The following NFIL3 variants were observed in gnomAD, a reference collection of about 807,000 sequenced individuals.
NFIL3 encodes the protein nuclear factor interleukin-3-regulated protein.
A neutral mutation model predicts 10.0 loss-of-function variants in NFIL3; 5 were observed. The observed-to-expected ratio is 0.50, with a 90% CI of 0.26 to 1.06. The LOEUF (loss-of-function observed/expected upper bound fraction) is 1.06. Ranked by LOEUF, NFIL3 falls within the 50% of genes least tolerant of loss-of-function variation. The pLI, the probability that NFIL3 is intolerant of heterozygous loss-of-function variation, is 0.13. For missense variants in NFIL3, 436 were observed against 547.6 expected, an observed-to-expected ratio of 0.80 and a Z score of 2.03; for synonymous variants, 202 against 206.5, an observed-to-expected ratio of 0.98 and a Z score of 0.19.
upstream of NFIL3, among the ~76,000 whole-genome samples, chr9:91,428,023 C>T (rs1056194810): frequency 5.3e-5 from 8 of 152,132 alleles, no homozygotes; most frequent in Non-Finnish European, 1.5e-5. Context: ...CCACGCCCAT[C>T]AGTGTGTGCT....
At chr9:91,479,350 G>A in the NFIL3 span, among the ~76,000 whole-genome samples, 1 of 152,346 alleles carries the variant, frequency 6.6e-6, no homozygotes, top group African/African-American at 2.4e-5. Flanking sequence ...TGCCCAGAGA[G>A]GAGGAATCTA....
chr9:91,444,768 C>T, the NFIL3 span, among the ~76,000 whole-genome samples: 3 of 152,230 alleles, frequency 2.0e-5, no homozygotes, highest in African/African-American at 2.4e-5. Context: ...ACAGTGGTGG[C>T]AGCATATGTT....
the NFIL3 span, among the ~76,000 whole-genome samples, chr9:91,473,704 C>T: frequency 5.3e-5 from 8 of 152,186 alleles, no homozygotes; most frequent in Admixed American, 1.3e-4. Flanking sequence ...GCTCACCCTC[C>T]GTGGGCTGCA....
At chr9:91,467,670 A>T in the NFIL3 span, among the ~76,000 whole-genome samples, 1 of 151,990 alleles carries the variant, frequency 6.6e-6, no homozygotes, top group South Asian at 2.1e-4. Context: ...ATTTCTCTTA[A>T]TGCTATCCCT....
At chr9:91,440,970 G>A in the NFIL3 span, among the ~76,000 whole-genome samples, 1 of 152,096 alleles carries the variant, frequency 6.6e-6, no homozygotes, top group Middle Eastern at 3.2e-3. Flanking sequence ...AGAAAAATGT[G>A]TATTCTGCTG....
the NFIL3 span, among the ~76,000 whole-genome samples, chr9:91,431,925 G>A: frequency 6.6e-6 from 1 of 152,280 alleles, no homozygotes; most frequent in East Asian, 1.9e-4. Context: ...TCTCTTGCTT[G>A]CTACTGGACA....
At chr9:91,464,228 T>G in the NFIL3 span, among the ~76,000 whole-genome samples, 8 of 152,080 alleles carry the variant, frequency 5.3e-5, no homozygotes, top group Admixed American at 4.6e-4. Context: ...CTCCCTCACA[T>G]GTTTCTGCCC....
chr9:91,460,798 AT>A, the NFIL3 span, among the ~76,000 whole-genome samples: 1 of 152,338 alleles, frequency 6.6e-6, no homozygotes, highest in East Asian at 1.9e-4. Flanking sequence ...CTGGCTCATA[AT>A]GCATGGCATA....
the NFIL3 span, among the ~76,000 whole-genome samples, chr9:91,443,744 A>C: frequency 1.3e-5 from 2 of 152,160 alleles, no homozygotes; most frequent in African/African-American, 4.8e-5. Flanking sequence ...CCAACAACTC[A>C]GAAGGGGGCA....
At chr9:91,475,681 T>C in the NFIL3 span, among the ~76,000 whole-genome samples, 1 of 152,138 alleles carries the variant, frequency 6.6e-6, no homozygotes, top group Non-Finnish European at 1.5e-5. Context: ...TGCCAGGGCA[T>C]GGTGGGTTAA....
the NFIL3 span, among the ~76,000 whole-genome samples, chr9:91,482,014 C>T: frequency 2.0e-5 from 3 of 152,024 alleles, no homozygotes; most frequent in Non-Finnish European, 4.4e-5. Context: ...ACCTTGGTGC[C>T]GGAAAGGATT....
chr9:91,453,521 T>G, the NFIL3 span, among the ~76,000 whole-genome samples: 2 of 152,096 alleles, frequency 1.3e-5, no homozygotes, highest in Non-Finnish European at 2.9e-5. Context: ...ATAAACTTGA[T>G]TTTTTCCCAA....
At chr9:91,420,526 G>A (rs1034773708) in intron 1 of NFIL3, among the ~76,000 whole-genome samples, 7 of 152,106 alleles carry the variant, frequency 4.6e-5, no homozygotes, top group African/African-American at 1.7e-4. Context: ...ATAACAAGCT[G>A]GGGCCTGGGA....
At chr9:91,479,821 A>G in the NFIL3 span, among the ~76,000 whole-genome samples, 5 of 152,240 alleles carry the variant, frequency 3.3e-5, no homozygotes, top group Non-Finnish European at 7.3e-5. Context: ...CGGGTTGCAA[A>G]GACCATGGGA....
At chr9:91,463,571 T>C in the NFIL3 span, among the ~76,000 whole-genome samples, 3 of 152,154 alleles carry the variant, frequency 2.0e-5, no homozygotes, top group Non-Finnish European at 4.4e-5. Context: ...AGTCTAAGAA[T>C]GGCCCGGCAC....
At chr9:91,468,853 T>C in the NFIL3 span, among the ~76,000 whole-genome samples, 2 of 152,308 alleles carry the variant, frequency 1.3e-5, no homozygotes, top group East Asian at 3.9e-4. Flanking sequence ...GTTGTAGATG[T>C]GTGATGTTGT....
chr9:91,449,693 T>G, the NFIL3 span, among the ~76,000 whole-genome samples: 1 of 152,132 alleles, frequency 6.6e-6, no homozygotes, highest in African/African-American at 2.4e-5. Flanking sequence ...TTTATCTGAC[T>G]TTGATATCAG....
At position 91,410,345 on chromosome 9, in the gene NFIL3, G is replaced by A; in HGVS notation, c.390C>T (p.Ser130=). ...GAATCTCTTGAGCATATGCTGTGGAGCTAATTAAACCAAACTTTAATTTTA... is the reference window on the plus strand; with the variant it reads ...GAATCTCTTGAGCATATGCTGTGGAACTAATTAAACCAAACTTTAATTTTA... ...LSLKLKFGLI[S]STAYAQEIQK... is the part of the protein sequence containing the mutation. The change falls in exon 2 of 2, where the codon AGC becomes AGT. Residue 130 remains serine (S), a synonymous_variant. Coordinates refer to ENST00000297689, the MANE Select transcript of NFIL3 (RefSeq NM_005384.3). The surrounding 1 kb of genome is among the most constrained non-coding windows in gnomAD (Gnocchi z 5.7). 6.2e-7 allele frequency: 1 copy of A among 1,614,150 alleles called. No homozygotes were observed. Among genetic ancestry groups the A allele is most frequent in the Non-Finnish European group, 8.5e-7 (1 of 1,180,034 alleles).
chr9:91,409,817 C>G lies in NFIL3; in HGVS notation c.918G>C (p.Lys306Asn), dbSNP rs1398011705. ...CTTTAACCACAGTTGCATGCACATG[C>G]TTGAGTTCAACTGGAGAATGGATGG... The part of the protein sequence containing the change: ...KGPIHSPVEL[K>N]HVHATVVKVP... The change falls in exon 2 of 2, where the codon AAG (lysine) becomes AAC (asparagine). Residue 306 changes from lysine (K) to asparagine (N), a missense_variant. By Grantham distance (94) the Lys-to-Asn change is moderately conservative. This residue lies in a region of NFIL3 where 338 missense variants were observed against 399.9 expected (regional missense o/e 0.85). Transcript: ENST00000297689. The G allele has an allele frequency of 1.7e-5, 27 of 1,613,986 alleles. No homozygotes were observed. Among genetic ancestry groups the G allele is most frequent in the African/African-American group, 2.7e-5 (2 of 74,872 alleles).
Sources: allele counts gnomAD v4.1 joint callset (sites outside exome capture counted in the v4.1 genomes callset), GRCh38; gene constraint gnomAD v4.1.1; regional missense constraint gnomAD v4.1.1; non-coding constraint Gnocchi (gnomAD v3.1); transcripts MANE v1.5; gene names NCBI Gene and HGNC (gene_info 2026-07-23, HGNC 2026-07-21).